PLEKHH3: variants seen among roughly 807,000 people sequenced by gnomAD.
PLEKHH3 encodes the protein pleckstrin homology domain-containing family H member 3.
PLEKHH3 carries 57 observed loss-of-function variants against 77.8 expected under a neutral mutation model. That is an observed-to-expected ratio of 0.73 (90% CI 0.59 to 0.91). The LOEUF is 0.91. Ranked by LOEUF, PLEKHH3 falls within the 40% of genes least tolerant of loss-of-function variation. The probability of loss-of-function intolerance (pLI) is 0.00; values close to 1 mark genes in which losing one functional copy is unlikely to be tolerated. For synonymous variants in PLEKHH3, 467 were observed against 504.8 expected, an observed-to-expected ratio of 0.93 and a Z score of 1.00; for missense variants, 1,082 against 1,091.2, an observed-to-expected ratio of 0.99 and a Z score of 0.12.
chr17:42,673,628 C>G lies in PLEKHH3; in HGVS notation c.490+15G>C, dbSNP rs765524054. ...CCCTGCCTAGGAAGGTAGGAGAGTCCCCAGGAGGTCTCACCTGTCTCCTTA... is the reference window on the plus strand; with the variant it reads ...CCCTGCCTAGGAAGGTAGGAGAGTCGCCAGGAGGTCTCACCTGTCTCCTTA... On this transcript the variant is annotated intron_variant, in intron 4 of 12. Coordinates refer to ENST00000591022, the MANE Select transcript of PLEKHH3 (RefSeq NM_024927.5). The G allele has an allele frequency of 1.2e-6, 2 of 1,601,084 alleles. No homozygotes were observed. Among genetic ancestry groups the G allele is most frequent in the African/African-American group, 2.7e-5 (2 of 74,876 alleles).
Position 42,670,368 on chromosome 17 carries a change from A to G in PLEKHH3, c.1563T>C (p.Ala521=). 7.0e-7 allele frequency: 1 copy of G among 1,422,942 alleles called. No individual in the cohort carries two copies. Among genetic ancestry groups the G allele is most frequent in the Non-Finnish European group, 9.1e-7 (1 of 1,098,844 alleles). The allele number at this position is 1,422,942 out of a possible 1,614,324, so 88.1% of individuals were successfully genotyped here. Residue 521 remains alanine, a synonymous_variant, in exon 11 of 13, where the codon GCT becomes GCC. Transcript: ENST00000591022. ...GGGGCGGCCGGCCCCGCAGCAGCAG[A>G]GCGTGAGCCTGCAGGGGAGGCACCC... ...ELPFLFEQAH[A]LLLRGRPPPP...
chr17:42,675,811 C>T (rs1383644741), intron 1 of PLEKHH3: 3 of 942,842 alleles, frequency 3.2e-6, no homozygotes, highest in South Asian at 9.7e-5. Flanking sequence ...TCCATCCCCT[C>T]AGGGGTTTCC....
chr17:42,671,549 C>T lies in PLEKHH3; in HGVS notation c.1086G>A (p.Gln362=). Residue 362 remains glutamine (Q), a synonymous_variant, in exon 8 of 13, where the codon CAG becomes CAA. Transcript: ENST00000591022. This position sits in a 1 kb window ranked among gnomAD's most constrained non-coding sequence, Gnocchi z 4.7. ...HLLGHLERTE[Q]ALPDSELAEY... ...CCGCCAGTTCCGAGTCCGGGAGTGCCTGCTCGGTCCTGGGTTAGGAGGAAC... is the reference window on the plus strand; with the variant it reads ...CCGCCAGTTCCGAGTCCGGGAGTGCTTGCTCGGTCCTGGGTTAGGAGGAAC... The T allele has an allele frequency of 6.2e-7, 1 of 1,609,098 alleles. No homozygotes were observed. Among genetic ancestry groups the T allele is most frequent in the South Asian group, 1.1e-5 (1 of 90,290 alleles).
At chr17:42,672,495 G>T in intron 6 of PLEKHH3, 103 bp from the exon 7 acceptor site, 4 of 1,027,850 alleles carry the variant, frequency 3.9e-6, no homozygotes, top group Non-Finnish European at 5.5e-6. Flanking sequence ...AATATAAGGG[G>T]ATGGGGTGGC....
chr17:42,674,181 C>T (rs986591854), intron 2 of PLEKHH3, among the ~76,000 whole-genome samples, 168 bp from the exon 3 acceptor site: 1 of 152,160 alleles, frequency 6.6e-6, no homozygotes, highest in African/African-American at 2.4e-5. Context: ...GCCCCGACCC[C>T]CCTCTTTCTC....
In PLEKHH3 at chr17:42,673,808, C is replaced by A. The variant is rs764350878; in HGVS notation, c.325G>T (p.Gly109Ter). The A allele has an allele frequency of 6.3e-7, 1 of 1,589,472 alleles. No homozygotes were observed. Among genetic ancestry groups the A allele is most frequent in the Non-Finnish European group, 8.5e-7 (1 of 1,173,110 alleles). ...KGWLYREPRG[G>*]GARPWLPPRR... ...GGGGGCAGCCAGGGCCGCGCCCCTC[C>A]TCCGCGGGGCTCCCGGTACAGCCAA... The change falls in exon 4 of 13, where the codon GGA becomes TGA. Residue 109 changes from glycine to a stop codon, truncating the protein, a stop_gained. Transcript: ENST00000591022. LOFTEE classifies it high-confidence loss of function.
At position 42,676,038 on chromosome 17, in the gene PLEKHH3, G is replaced by A. The variant is rs1414626156; in HGVS notation, c.162+364C>T. ...GGAGCGGAGGGGGACCCAGGCGTTC[G>A]AGCCGCCCAGCCGGCCTCGCCACAT... On this transcript the variant is annotated intron_variant, in intron 1 of 12. Transcript: ENST00000591022. The surrounding 1 kb of genome is among the most constrained non-coding windows in gnomAD (Gnocchi z 6.6). The A allele has an allele frequency of 1.9e-5, 21 of 1,113,588 alleles. No homozygotes were observed. Among genetic ancestry groups the A allele is most frequent in the Non-Finnish European group, 2.3e-5 (21 of 911,228 alleles). The allele number at this position is 1,113,588 out of a possible 1,614,324, so 69.0% of individuals were successfully genotyped here. A position where few individuals can be genotyped will look rare whatever the true frequency, so the allele number is the denominator to read the frequency against.
chr17:42,672,383 T>A lies in PLEKHH3; in HGVS notation c.779A>T (p.Tyr260Phe). The A allele has an allele frequency of 6.6e-7, 1 of 1,525,712 alleles. No homozygotes were observed. Among genetic ancestry groups the A allele is most frequent in the Non-Finnish European group, 8.8e-7 (1 of 1,138,406 alleles). 94.5% of individuals were successfully genotyped at this position (1,525,712 alleles called of 1,614,324 possible). Residue 260 changes from tyrosine to phenylalanine, a missense_variant, in exon 7 of 13, where the codon TAT becomes TTT. Tyr to Phe is a conservative substitution (Grantham distance 22, BLOSUM62 3). Coordinates refer to ENST00000591022, the MANE Select transcript of PLEKHH3 (RefSeq NM_024927.5). Reference protein sequence around the residue: ...PYGVSAPGPGYAPLREEAVRL... With the variant: ...PYGVSAPGPGFAPLREEAVRL... ...CACCGCCTCCTCGCGCAGGGGTGCA[T>A]AGCCCGGACCTGTGGGAGGGTGGGG...
At position 42,676,775 on chromosome 17, in the gene PLEKHH3, G is replaced by A. The variant is rs535892898; in HGVS notation, c.-212C>T. On this transcript the variant is annotated 5_prime_UTR_variant, in exon 1 of 13. Coordinates refer to ENST00000591022, the MANE Select transcript of PLEKHH3 (RefSeq NM_024927.5). This position sits in a 1 kb window ranked among gnomAD's most constrained non-coding sequence, Gnocchi z 6.6. ...GGGCTCAGTGTCTGGGCCCCCGGAG[G>A]GGGGAGGGGGAAAAGCGTCCAGGGC... is the stretch of plus-strand genomic sequence containing the variant. 6 of 603,488 alleles carry A rather than the reference G, an allele frequency of 9.9e-6. No individual in the cohort carries two copies. Among genetic ancestry groups the A allele is most frequent in the African/African-American group, 3.7e-5 (2 of 53,710 alleles). The allele number at this position is 603,488 out of a possible 1,614,324, so 37.4% of individuals were successfully genotyped here.
In PLEKHH3 at chr17:42,674,356, G is replaced by T. The variant is rs1045238007; in HGVS notation, c.216C>A (p.Asn72Lys). The change falls in exon 2 of 13, where the codon AAC becomes AAA. Residue 72 changes from asparagine to lysine, a missense_variant and splice_region_variant. Transcript: ENST00000591022. Reference protein sequence around the residue: ...TQPVRSGPVSNRLQSWEETWS... With the variant: ...TQPVRSGPVSKRLQSWEETWS... ...TGGGACGTAGGGGCGTAGCTCACCTGTTGGAGACAGGCCCGCTCCTCACTG... is the reference window on the plus strand; with the variant it reads ...TGGGACGTAGGGGCGTAGCTCACCTTTTGGAGACAGGCCCGCTCCTCACTG... The T allele has an allele frequency of 5.7e-6, 9 of 1,583,180 alleles. No individual in the cohort carries two copies. In the African/African-American group the frequency reaches 9.5e-5, roughly 17 times the overall value.
chr17:42,673,030 C>T, intron 6 of PLEKHH3, 146 bp downstream of exon 6: 1 of 1,194,050 alleles, frequency 8.4e-7, no homozygotes, highest in Non-Finnish European at 1.1e-6. Context: ...CCCTGGCCAG[C>T]TTCCAGTTTC....
At chr17:42,674,597 T>C (rs2052781949) in intron 1 of PLEKHH3, 188 bp from the exon 2 acceptor site, 2 of 449,692 alleles carry the variant, frequency 4.4e-6, no homozygotes, top group Non-Finnish European at 7.8e-6. Context: ...CAGGACAAGC[T>C]CTTCAGAACA....
chr17:42,670,913 T>A, intron 9 of PLEKHH3, 81 bp downstream of exon 9: 1 of 1,567,420 alleles, frequency 6.4e-7, no homozygotes, highest in Non-Finnish European at 8.7e-7. Context: ...GGGCAAGCGC[T>A]GGATAATGTC....
Position 42,671,288 on chromosome 17 carries a change from A to T in PLEKHH3, c.1284+63T>A. 1 of 1,578,886 alleles carries T rather than the reference A, an allele frequency of 6.3e-7. No individual in the cohort carries two copies. Among genetic ancestry groups the T allele is most frequent in the African/African-American group, 1.3e-5 (1 of 74,312 alleles). ...GCAAACCTAGGGTCCAGGAAGAGGGAGAGACAGGCGTGAGAAGCTGGCAGG... is the reference window on the plus strand; with the variant it reads ...GCAAACCTAGGGTCCAGGAAGAGGGTGAGACAGGCGTGAGAAGCTGGCAGG... On this transcript the variant is annotated intron_variant, in intron 8 of 12. Coordinates refer to ENST00000591022, the MANE Select transcript of PLEKHH3 (RefSeq NM_024927.5). This position sits in a 1 kb window ranked among gnomAD's most constrained non-coding sequence, Gnocchi z 4.7.
intron 4 of PLEKHH3, 35 bp downstream of exon 4, chr17:42,673,608 C>A (rs750229898): frequency 1.3e-6 from 2 of 1,595,038 alleles, no homozygotes; most frequent in East Asian, 4.5e-5. Context: ...GGGGCCCCTG[C>A]CTAGGAAGGT....
At chr17:42,669,648 T>A in intron 11 of PLEKHH3, 27 bp from the exon 12 acceptor site, 1 of 1,586,376 alleles carries the variant, frequency 6.3e-7, no homozygotes, top group Non-Finnish European at 8.6e-7. Flanking sequence ...AGAGTCAGGG[T>A]GGAAGGAGGA....
At chr17:42,670,822 G>T in intron 9 of PLEKHH3, 117 bp from the exon 10 acceptor site, 1 of 1,519,944 alleles carries the variant, frequency 6.6e-7, no homozygotes, top group Non-Finnish European at 8.9e-7. Context: ...GCCGACAGCG[G>T]AGGTGATGCT....
chr17:42,673,384 C>T lies in PLEKHH3; in HGVS notation c.648+15G>A. 2 of 1,612,920 alleles carry T rather than the reference C, an allele frequency of 1.2e-6. No individual in the cohort carries two copies. The highest frequency in any genetic ancestry group is 1.7e-6 in the Non-Finnish European group (2 of 1,179,642). ...TTTGGGGTCCACCACTCTCCTGGCT[C>T]TCCCTGGTGTGTACCTGTATGTCCC... On this transcript the variant is annotated intron_variant, in intron 5 of 12. Coordinates refer to ENST00000591022, the MANE Select transcript of PLEKHH3 (RefSeq NM_024927.5).
In PLEKHH3 at chr17:42,671,313, G is replaced by A. The variant is rs576309965; in HGVS notation, c.1284+38C>T. 2 of 1,597,924 alleles carry A rather than the reference G, an allele frequency of 1.3e-6. No homozygotes were observed. The highest frequency in any genetic ancestry group is 2.7e-5 in the African/African-American group (2 of 74,612). ...AGAGACAGGCGTGAGAAGCTGGCAG[G>A]GTGGGTTGGAGGTCATGGGGCCTTT... On this transcript the variant is annotated intron_variant, in intron 8 of 12. Coordinates refer to ENST00000591022, the MANE Select transcript of PLEKHH3 (RefSeq NM_024927.5). This position sits in a 1 kb window ranked among gnomAD's most constrained non-coding sequence, Gnocchi z 4.7.
Sources: allele counts gnomAD v4.1 joint callset (sites outside exome capture counted in the v4.1 genomes callset), GRCh38; gene constraint gnomAD v4.1.1; non-coding constraint Gnocchi (gnomAD v3.1); transcripts MANE v1.5; gene names NCBI Gene and HGNC (gene_info 2026-07-23, HGNC 2026-07-21).